WBP2NL: variants seen among roughly 807,000 people sequenced by gnomAD.
The protein encoded by WBP2NL is WBP2 N-terminal like.
WBP2NL carries 27 observed loss-of-function variants against 23.3 expected under a neutral mutation model. That is an observed-to-expected ratio of 1.16 (90% CI 0.85 to 1.60). The LOEUF is 1.60. WBP2NL is among the 40% of genes most tolerant of loss of function. The pLI is 0.00. For synonymous variants in WBP2NL, 151 were observed against 145.9 expected (o/e 1.03, Z -0.25); for missense variants, 370 against 389.5 (o/e 0.95, Z 0.42).
intron 8 of WBP2NL, among the ~76,000 whole-genome samples, chr22:42,053,837 T>C (rs1280944408): frequency 6.6e-6 from 1 of 152,210 alleles, no homozygotes; most frequent in Non-Finnish European, 1.5e-5. Flanking sequence ...TCTTTGTCTA[T>C]TTTTAATTAA....
chr22:42,031,699 G>GT (rs113977913), downstream of WBP2NL: 670 of 141,140 alleles, frequency 4.7e-3, 2 homozygotes, highest in Admixed American at 5.6e-3. Flanking sequence ...TCCTCTTTTT[G>GT]TTTTTTTTTT....
chr22:42,049,539 A>T (rs1925736650), intron 8 of WBP2NL, among the ~76,000 whole-genome samples: 1 of 151,656 alleles, frequency 6.6e-6, no homozygotes, highest in Non-Finnish European at 1.5e-5. Flanking sequence ...AAATACAAAA[A>T]ATTAGCCGGG....
At chr22:42,020,428 C>T (rs756144805) in intron 4 of WBP2NL, among the ~76,000 whole-genome samples, 3 of 152,102 alleles carry the variant, frequency 2.0e-5, no homozygotes, top group African/African-American at 7.2e-5. Context: ...AGTTGGTATT[C>T]GCACACATAT....
At chr22:42,051,890 C>T (rs142788317) in intron 8 of WBP2NL, among the ~76,000 whole-genome samples, 11 of 152,208 alleles carry the variant, frequency 7.2e-5, no homozygotes, top group South Asian at 2.1e-4. Context: ...AACTATTATC[C>T]CCACTATAAA....
At chr22:42,005,110 A>T (rs1922094031) in intron 1 of WBP2NL, among the ~76,000 whole-genome samples, 1 of 150,908 alleles carries the variant, frequency 6.6e-6, no homozygotes, top group Admixed American at 6.6e-5. Context: ...CCGGCTACTC[A>T]GGAGGCTGAG....
At chr22:42,047,406 A>G (rs1309270180) in intron 8 of WBP2NL, among the ~76,000 whole-genome samples, 1 of 151,732 alleles carries the variant, frequency 6.6e-6, no homozygotes, top group Non-Finnish European at 1.5e-5. Flanking sequence ...CCTGGCCAAC[A>G]TGGTGAAACC....
At chr22:42,037,965 T>A (rs1925252937) in intron 8 of WBP2NL, among the ~76,000 whole-genome samples, 1 of 152,130 alleles carries the variant, frequency 6.6e-6, no homozygotes, top group Non-Finnish European at 1.5e-5. Context: ...TGGAAGCCTC[T>A]GTTTTTCTTG....
chr22:42,015,352 T>C (rs1428627131), intron 1 of WBP2NL, among the ~76,000 whole-genome samples: 2 of 152,152 alleles, frequency 1.3e-5, no homozygotes, highest in Non-Finnish European at 2.9e-5. Context: ...GTGCCTTTCT[T>C]ACTCAGCCAG....
intron 1 of WBP2NL, among the ~76,000 whole-genome samples, chr22:42,016,409 A>G (rs1923313567): frequency 6.6e-6 from 1 of 152,224 alleles, no homozygotes; most frequent in African/African-American, 2.4e-5. Flanking sequence ...TTTTAAAAAT[A>G]AGTGTGTTCT....
intron 5 of WBP2NL, among the ~76,000 whole-genome samples, chr22:42,024,312 T>C (rs903951467): frequency 6.6e-6 from 1 of 152,254 alleles, no homozygotes; most frequent in Non-Finnish European, 1.5e-5. Flanking sequence ...TTGTATATAA[T>C]TTTCTACGTA....
At chr22:42,002,017 CT>C in intron 1 of WBP2NL, 1 of 683,044 alleles carries the variant, frequency 1.5e-6, no homozygotes. Context: ...CGAGAATCGG[CT>C]TTGACTCCGG....
At chr22:42,026,543 C>T (rs116081221) in intron 5 of WBP2NL, among the ~76,000 whole-genome samples, 207 of 152,052 alleles carry the variant, frequency 1.4e-3, no homozygotes, top group African/African-American at 4.8e-3. Context: ...AGTAACGCAC[C>T]GATCTATTGA....
intron 5 of WBP2NL, among the ~76,000 whole-genome samples, chr22:42,024,634 T>C (rs936075018): frequency 6.6e-6 from 1 of 152,194 alleles, no homozygotes; most frequent in Non-Finnish European, 1.5e-5. Flanking sequence ...TATACCTTAA[T>C]TGGAGAACTG....
At chr22:42,047,269 C>CAAAAA (rs140516534) in intron 8 of WBP2NL, among the ~76,000 whole-genome samples, 9 of 101,492 alleles carry the variant, frequency 8.9e-5, no homozygotes, top group Non-Finnish European at 1.6e-4. Flanking sequence ...TTTTCAAGCT[C>CAAAAA]AAAAAAAAAA....
intron 1 of WBP2NL, among the ~76,000 whole-genome samples, chr22:42,015,812 T>C (rs1429324132): frequency 6.6e-6 from 1 of 152,192 alleles, no homozygotes; most frequent in Non-Finnish European, 1.5e-5. Flanking sequence ...GCCCTGGACA[T>C]GTATGTGTAT....
At chr22:42,037,083 A>G (rs1000577917), downstream of WBP2NL, among the ~76,000 whole-genome samples, 6 of 151,090 alleles carry the variant, frequency 4.0e-5, no homozygotes, top group African/African-American at 1.5e-4. Flanking sequence ...CCTTTTGTCT[A>G]TTTGAGTTGA....
chr22:42,052,255 C>G (rs1353372701), intron 8 of WBP2NL, among the ~76,000 whole-genome samples: 1 of 152,104 alleles, frequency 6.6e-6, no homozygotes, highest in Non-Finnish European at 1.5e-5. Flanking sequence ...CTTCTTGAAG[C>G]TCTTTAAACA....
At chr22:42,016,128 C>T (rs922493487) in intron 1 of WBP2NL, among the ~76,000 whole-genome samples, 6 of 151,960 alleles carry the variant, frequency 3.9e-5, no homozygotes, top group Non-Finnish European at 7.4e-5. Flanking sequence ...ATTACAGACA[C>T]ATGCCACCAG....
rs1376852309 is a variant in WBP2NL at position 42,019,700 on chromosome 22, G to A, written c.210G>A (p.Met70Ile). 6.2e-7 allele frequency: 1 copy of A among 1,614,148 alleles called. No individual in the cohort carries two copies. ...FITSCSISDP[M>I]LSFMMPFDLM... ...CTTCATGCTCCATCAGTGATCCCAT[G>A]TTGTCTTTTATGATGCCATTTGATC... Residue 70 changes from methionine (M) to isoleucine (I), a missense_variant, in exon 3 of 6, where the codon ATG becomes ATA. Coordinates refer to ENST00000328823, the MANE Select transcript of WBP2NL (RefSeq NM_152613.3).
Sources: gnomAD v4.1 joint callset for allele counts (sites outside exome capture counted in the v4.1 genomes callset) on GRCh38, gnomAD v4.1.1 for gene constraint, MANE v1.5 for transcripts, NCBI Gene and HGNC (gene_info 2026-07-23, HGNC 2026-07-21) for gene names.